The following SLC44A5 variants were observed in gnomAD, a reference collection of about 807,000 sequenced individuals.
SLC44A5 encodes the protein choline transporter-like protein 5.
SLC44A5 carries 57 observed loss-of-function variants against 101.8 expected under a neutral mutation model. The ratio of observed to expected loss-of-function variants is 0.56; its 90% CI spans 0.45 to 0.70. The LOEUF is 0.70. Ranked by LOEUF, SLC44A5 falls within the 30% of genes least tolerant of loss-of-function variation. SLC44A5 has a pLI of 0.00. For missense variants in SLC44A5, 737 were observed against 853.1 expected (o/e 0.86, Z 1.70); for synonymous variants, 281 against 290.9 (o/e 0.97, Z 0.35).
intron 6 of SLC44A5, among the ~76,000 whole-genome samples, chr1:75,271,160 C>A (rs970953501): frequency 6.6e-6 from 1 of 152,024 alleles, no homozygotes; most frequent in African/African-American, 2.4e-5. Flanking sequence ...TATAAATTTA[C>A]CCTGACATGA....
chr1:75,494,412 C>T lies in SLC44A5; in HGVS notation c.13+47023G>A, dbSNP rs141198716. ...TAGCACCCAACTCTTATAGCTAGTA[C>T]CCAAGGAATTAACTCCAAACTTGCA... is the stretch of plus-strand genomic sequence containing the variant. On this transcript the variant is annotated intron_variant, in intron 2 of 23. Transcript: ENST00000370859. Among the ~76,000 whole-genome samples, 31 of 152,210 alleles carry T rather than the reference C, an allele frequency of 2.0e-4. No individual in the cohort carries two copies. The East Asian group carries it at 6.0e-3, about 29-fold the overall frequency.
chr1:75,526,397 C>T (rs1254213326), intron 2 of SLC44A5, among the ~76,000 whole-genome samples: 1 of 152,228 alleles, frequency 6.6e-6, no homozygotes, highest in African/African-American at 2.4e-5. Flanking sequence ...GGTCATGTAA[C>T]TGGCTCAGAG....
chr1:75,461,063 G>GA (rs1351076861), intron 2 of SLC44A5, among the ~76,000 whole-genome samples: 1 of 151,350 alleles, frequency 6.6e-6, no homozygotes, highest in East Asian at 1.9e-4. Flanking sequence ...CCGAGAAAAA[G>GA]AAAATGGTTA....
chr1:75,589,004 A>G (rs1009121544), intron 1 of SLC44A5, among the ~76,000 whole-genome samples: 1 of 152,232 alleles, frequency 6.6e-6, no homozygotes, highest in Non-Finnish European at 1.5e-5. Context: ...GGCTTAAGGC[A>G]TGAGTAAGCA....
At chr1:75,293,039 C>T (rs530733887) in intron 5 of SLC44A5, among the ~76,000 whole-genome samples, 4 of 152,140 alleles carry the variant, frequency 2.6e-5, no homozygotes, top group East Asian at 1.9e-4. Flanking sequence ...AGCTGACTCA[C>T]GTTTGTGCAG....
chr1:75,622,035 C>A, the SLC44A5 span, among the ~76,000 whole-genome samples: 1 of 152,044 alleles, frequency 6.6e-6, no homozygotes, highest in African/African-American at 2.4e-5. Context: ...TAAAATTTCA[C>A]CTGAATTAAA....
chr1:75,440,557 A>G (rs952733110), intron 2 of SLC44A5, among the ~76,000 whole-genome samples: 2 of 152,096 alleles, frequency 1.3e-5, no homozygotes, highest in African/African-American at 4.8e-5. Flanking sequence ...TTTTACTCTG[A>G]GTGAAATGAA....
At chr1:75,485,981 G>T (rs1668130683) in intron 2 of SLC44A5, among the ~76,000 whole-genome samples, 1 of 152,086 alleles carries the variant, frequency 6.6e-6, no homozygotes, top group Non-Finnish European at 1.5e-5. Flanking sequence ...CTCCCACCAG[G>T]CCTCTCTTCC....
rs892310939 is a variant in SLC44A5, at chr1:75,570,789, C to T, written c.-69-29273G>A. 1.1e-4 allele frequency among the ~76,000 whole-genome samples: 16 copies of T among 151,954 alleles called. 1 individual carries two copies. Among genetic ancestry groups the T allele is most frequent in the African/African-American group, 3.4e-4 (14 of 41,454 alleles). On this transcript the variant is annotated intron_variant, in intron 1 of 23. Transcript: ENST00000370859. ...CTAAAACCAGGCACTTAACACTGAA[C>T]GAAAAAAATGTGGGCTATCTTCTCT...
chr1:75,457,965 C>A (rs1858626), intron 2 of SLC44A5, among the ~76,000 whole-genome samples: 152,264 of 152,344 alleles, frequency 1, 76,092 homozygotes, highest in Middle Eastern at 1. Context: ...TGTGTCAAAC[C>A]CTGAGGATAC....
intron 1 of SLC44A5, among the ~76,000 whole-genome samples, chr1:75,577,253 T>C (rs1673422390): frequency 6.6e-6 from 1 of 152,232 alleles, no homozygotes; most frequent in African/African-American, 2.4e-5. Flanking sequence ...CTCAACATAG[T>C]AGTTAGAGGA....
chr1:75,691,567 G>A, the SLC44A5 span, among the ~76,000 whole-genome samples: 423 of 152,238 alleles, frequency 2.8e-3, no homozygotes, highest in Middle Eastern at 0.014. Context: ...TGAAAAAGGG[G>A]GAAAATCTGA....
the SLC44A5 span, among the ~76,000 whole-genome samples, chr1:75,635,514 A>T: frequency 6.6e-6 from 1 of 151,928 alleles, no homozygotes; most frequent in African/African-American, 2.4e-5. Flanking sequence ...TTGTAGGGAC[A>T]TGGATGAAAT....
chr1:75,556,128 A>T (rs1672203025), intron 1 of SLC44A5, among the ~76,000 whole-genome samples: 1 of 152,070 alleles, frequency 6.6e-6, no homozygotes, highest in Admixed American at 6.6e-5. Context: ...ATCAGAGGTG[A>T]TGATATAGTT....
At chr1:75,286,715 C>A (rs1451517571) in intron 5 of SLC44A5, among the ~76,000 whole-genome samples, 1 of 151,122 alleles carries the variant, frequency 6.6e-6, no homozygotes, top group Admixed American at 6.6e-5. Flanking sequence ...AAGCTTGTAT[C>A]TTTTTTTTTC....
intron 1 of SLC44A5, among the ~76,000 whole-genome samples, chr1:75,550,436 G>A (rs1671875164): frequency 6.6e-6 from 1 of 152,006 alleles, no homozygotes; most frequent in African/African-American, 2.4e-5. Flanking sequence ...TTTCTTTTGG[G>A]GGTGAGGAAG....
intron 2 of SLC44A5, among the ~76,000 whole-genome samples, chr1:75,477,312 G>A (rs902196086): frequency 6.6e-6 from 1 of 152,294 alleles, no homozygotes; most frequent in Middle Eastern, 3.4e-3. Flanking sequence ...GGAAAAAACA[G>A]AGCAGAAAAA....
chr1:75,208,410 C>T (rs1646789716), intron 23 of SLC44A5, among the ~76,000 whole-genome samples: 2 of 152,186 alleles, frequency 1.3e-5, no homozygotes, highest in African/African-American at 2.4e-5. Context: ...CTGCCGGCCT[C>T]GGCCTCCCAA....
At chr1:75,518,135 C>T (rs1325451773) in intron 2 of SLC44A5, among the ~76,000 whole-genome samples, 1 of 152,102 alleles carries the variant, frequency 6.6e-6, no homozygotes, top group Non-Finnish European at 1.5e-5. Flanking sequence ...AAGCTTTTTT[C>T]TACTTTAAAC....
Sources: gnomAD v4.1 joint callset for allele counts (sites outside exome capture counted in the v4.1 genomes callset) on GRCh38, gnomAD v4.1.1 for gene constraint, MANE v1.5 for transcripts, NCBI Gene and HGNC (gene_info 2026-07-23, HGNC 2026-07-21) for gene names.